CLCNKA: variants seen among roughly 807,000 people sequenced by gnomAD.
CLCNKA encodes chloride voltage-gated channel Ka, also known as chloride channel protein ClC-Ka.
CLCNKA carries 66 observed loss-of-function variants against 83.3 expected under a neutral mutation model. The ratio of observed to expected loss-of-function variants is 0.79; its 90% CI spans 0.65 to 0.97. The LOEUF is 0.97. Ranked by LOEUF, CLCNKA falls within the 50% of genes least tolerant of loss-of-function variation. The pLI, the probability that CLCNKA is intolerant of heterozygous loss-of-function variation, is 0.00. For synonymous variants in CLCNKA, 357 were observed against 370.4 expected, an observed-to-expected ratio of 0.96 and a Z score of 0.42; for missense variants, 806 against 888.7, an observed-to-expected ratio of 0.91 and a Z score of 1.18.
In CLCNKA at chr1:16,023,796, C is replaced by G; in HGVS notation, c.101-4C>G. 6.2e-7 allele frequency: 1 copy of G among 1,614,028 alleles called. No individual in the cohort carries two copies. Among genetic ancestry groups the G allele is most frequent in the Non-Finnish European group, 8.5e-7 (1 of 1,179,912 alleles). ...TAAGCTGGGACTCCGATACCCTGCC[C>G]CAGGTGGCCTGGAGTGGCTAAAGCA... On this transcript the variant is annotated splice_polypyrimidine_tract_variant and splice_region_variant and intron_variant, in intron 2 of 19. Transcript: ENST00000331433.
At chr1:16,028,580 C>T (rs529733610) in intron 10 of CLCNKA, 181 bp from the exon 11 acceptor site, 25 of 763,764 alleles carry the variant, frequency 3.3e-5, no homozygotes, top group East Asian at 1.6e-4. Context: ...GCTCACCCCA[C>T]GGGTTCTACC....
Position 16,023,809 on chromosome 1 carries a change from AG to A in CLCNKA, c.111del (p.Glu37AspfsTer3). The A allele has an allele frequency of 1.2e-6, 2 of 1,614,052 alleles. No homozygotes were observed. Among genetic ancestry groups the A allele is most frequent in the Non-Finnish European group, 1.7e-6 (2 of 1,179,944 alleles). ...CGATACCCTGCCCCAGGTGGCCTGG[AG>A]TGGCTAAAGCAGAAGGTGTTCCGCC... ...HIRRAIQGGL[E>X]WLKQKVFRLG... On this transcript the variant is annotated frameshift_variant, in exon 3 of 20. Transcript: ENST00000331433. LOFTEE classifies it high-confidence loss of function.
intron 7 of CLCNKA, 158 bp downstream of exon 7, chr1:16,026,933 C>G (rs914462946): frequency 4.3e-6 from 4 of 926,594 alleles, no homozygotes. Flanking sequence ...CCGGGGGCGG[C>G]GGGGCGGGGC....
At chr1:16,032,157 G>T in intron 16 of CLCNKA, 46 bp from the exon 17 acceptor site, 1 of 1,569,348 alleles carries the variant, frequency 6.4e-7, no homozygotes, top group Non-Finnish European at 8.8e-7. Flanking sequence ...CCTCAGGCCT[G>T]TTTCTTCATA....
intron 10 of CLCNKA, 68 bp from the exon 11 acceptor site, chr1:16,028,693 T>G: frequency 6.3e-7 from 1 of 1,585,368 alleles, no homozygotes; most frequent in Non-Finnish European, 8.7e-7. Flanking sequence ...CTGGACCAGG[T>G]CCTACTTCCC....
At chr1:16,027,099 C>T (rs2022391614) in intron 7 of CLCNKA, among the ~76,000 whole-genome samples, 1 of 152,212 alleles carries the variant, frequency 6.6e-6, no homozygotes. Flanking sequence ...AGGGAGAGGG[C>T]GCACACCTGC....
Position 16,030,649 on chromosome 1 carries a change from C to G in CLCNKA, c.1597C>G (p.Pro533Ala). ...TIIVKKLPYLPRILGRNIGSH... is the reference protein window; with the variant it reads ...TIIVKKLPYLARILGRNIGSH... ...CATTGTCAAGAAGCTGCCATACCTG[C>G]CACGGATTCTGGGCCGCAACATCGG... Residue 533 changes from proline (P) to alanine (A), a missense_variant, in exon 15 of 20, where the codon CCA becomes GCA. Physicochemically the swap from Pro to Ala is conservative, Grantham distance 27. Coordinates refer to ENST00000331433, the MANE Select transcript of CLCNKA (RefSeq NM_004070.4). 1 of 1,613,308 alleles carries G rather than the reference C, an allele frequency of 6.2e-7. No homozygotes were observed. Among genetic ancestry groups the G allele is most frequent in the South Asian group, 1.1e-5 (1 of 91,090 alleles).
chr1:16,027,451 T>C lies in CLCNKA; in HGVS notation c.781+16T>C. ...AGCGAGCAGGGTGAGCCCCCTGGGCTGCCTGACCCTGGCCCTGCCTGGGGG... is the reference window on the plus strand; with the variant it reads ...AGCGAGCAGGGTGAGCCCCCTGGGCCGCCTGACCCTGGCCCTGCCTGGGGG... On this transcript the variant is annotated intron_variant, in intron 8 of 19. Transcript: ENST00000331433. The C allele has an allele frequency of 6.2e-7, 1 of 1,613,324 alleles. No homozygotes were observed. Among genetic ancestry groups the C allele is most frequent in the Non-Finnish European group, 8.5e-7 (1 of 1,179,838 alleles).
intron 15 of CLCNKA, 90 bp downstream of exon 15, chr1:16,030,764 C>G: frequency 6.5e-7 from 1 of 1,526,832 alleles, no homozygotes; most frequent in South Asian, 1.1e-5. Context: ...AGAAACACCA[C>G]CGCAGCTGAC....
At position 16,026,722 on chromosome 1, in the gene CLCNKA, TGGTGGCAGCG is replaced by T. The variant is rs2022367219; in HGVS notation, c.604_613del (p.Val202ArgfsTer91). 6.2e-7 allele frequency: 1 copy of T among 1,613,650 alleles called. No individual in the cohort carries two copies. The highest frequency in any genetic ancestry group is 1.7e-5 in the Admixed American group (1 of 59,978). ...AACAAGAGCAAGCAAAACGAAATGC[TGGTGGCAGCG>T]GCGGCAGTGGGCGTGGCCACAGTCT... On this transcript the variant is annotated frameshift_variant, in exon 7 of 20. Coordinates refer to ENST00000331433, the MANE Select transcript of CLCNKA (RefSeq NM_004070.4). LOFTEE classifies it high-confidence loss of function.
rs763915528 is a variant in CLCNKA, at chr1:16,031,805, C to A, written c.1718C>A (p.Ser573Tyr). 2 of 1,613,960 alleles carry A rather than the reference C, an allele frequency of 1.2e-6. No homozygotes were observed. The highest frequency in any genetic ancestry group is 8.5e-7 in the Non-Finnish European group (1 of 1,180,038). The change falls in exon 16 of 20, where the codon TCC (serine) becomes TAC (tyrosine). Residue 573 changes from serine to tyrosine, a missense_variant. Ser to Tyr is a moderately radical substitution (Grantham distance 144). Coordinates refer to ENST00000331433, the MANE Select transcript of CLCNKA (RefSeq NM_004070.4). ...GAGGAGGTGGTCAAGGTTGTGACCT[C>A]CACAGACGTGACCGAGTATCCCCTG... Reference protein sequence around the residue: ...PLEEVVKVVTSTDVTEYPLVE... With the variant: ...PLEEVVKVVTYTDVTEYPLVE...
At position 16,033,087 on chromosome 1, in the gene CLCNKA, G is replaced by A. The variant is rs546066202; in HGVS notation, c.1930-83G>A. 2.5e-5 allele frequency: 35 copies of A among 1,423,184 alleles called. No individual in the cohort carries two copies. The African/African-American group carries it at 4.5e-4, about 18-fold the overall frequency. The allele number at this position is 1,423,184 out of a possible 1,614,324, so 88.2% of individuals were successfully genotyped here. A position where few individuals can be genotyped will look rare whatever the true frequency, so the allele number is the denominator to read the frequency against. On this transcript the variant is annotated intron_variant, in intron 18 of 19. Transcript: ENST00000331433. ...CATATCAGGCCCCGCCCCTCTTCCT[G>A]GCTCAGAGGCGTGGCAGAGTGGGCC...
chr1:16,026,262 G>A lies in CLCNKA; in HGVS notation c.498+15G>A, dbSNP rs1449801109. ...TGGGCAAAGTGGTATGGTCAGGTGT[G>A]AGGGCACCCCAGCCACCCCGCCCAC... is the stretch of plus-strand genomic sequence containing the variant. On this transcript the variant is annotated intron_variant, in intron 5 of 19. Coordinates refer to ENST00000331433, the MANE Select transcript of CLCNKA (RefSeq NM_004070.4). 6.2e-7 allele frequency: 1 copy of A among 1,613,378 alleles called. No homozygotes were observed. Among genetic ancestry groups the A allele is most frequent in the African/African-American group, 1.3e-5 (1 of 75,020 alleles).
At chr1:16,027,577 G>T in intron 8 of CLCNKA, 142 bp downstream of exon 8, 2 of 1,490,350 alleles carry the variant, frequency 1.3e-6, no homozygotes, top group Non-Finnish European at 9.1e-7. Context: ...ACCTCCTTCA[G>T]GGAGGATGGA....
At chr1:16,022,834 A>G in intron 2 of CLCNKA, 115 bp downstream of exon 2, 1 of 735,818 alleles carries the variant, frequency 1.4e-6, no homozygotes, top group Non-Finnish European at 2.1e-6. Flanking sequence ...TGTCCAGGAC[A>G]TGACTGCCCA....
chr1:16,026,918 A>T, intron 7 of CLCNKA, 143 bp downstream of exon 7: 1 of 1,112,918 alleles, frequency 9.0e-7, no homozygotes. Context: ...GGGTATAGCC[A>T]CCCCCCGGGG....
Position 16,023,895 on chromosome 1 carries a change from G to A in CLCNKA, c.196G>A (p.Ala66Thr), listed in dbSNP as rs1434783012. The stretch of plus-strand genomic sequence containing the variant: ...GGTGCTCATGGCCCTGGTCAGCTAT[G>A]CCATGAACTTTGCCATCGGGTGTGT... ...LGVLMALVSY[A>T]MNFAIGCVVR... The change falls in exon 3 of 20, where the codon GCC becomes ACC. Residue 66 changes from alanine (A) to threonine (T), a missense_variant. Transcript: ENST00000331433. 5 of 1,614,176 alleles carry A rather than the reference G, an allele frequency of 3.1e-6. No homozygotes were observed. Among genetic ancestry groups the A allele is most frequent in the Non-Finnish European group, 4.2e-6 (5 of 1,180,018 alleles).
intron 2 of CLCNKA, among the ~76,000 whole-genome samples, chr1:16,023,115 G>A (rs1349713611): frequency 2.6e-5 from 4 of 152,240 alleles, no homozygotes; most frequent in African/African-American, 9.6e-5. Context: ...TTCACTTTGA[G>A]ACCTGACTGT....
chr1:16,026,323 A>C, intron 5 of CLCNKA, 76 bp downstream of exon 5: 2 of 1,565,328 alleles, frequency 1.3e-6, no homozygotes, highest in Non-Finnish European at 1.7e-6. Flanking sequence ...TACCCCACCA[A>C]AGCTGGGTCA....
Sources: gnomAD v4.1 joint callset for allele counts (sites outside exome capture counted in the v4.1 genomes callset) on GRCh38, gnomAD v4.1.1 for gene constraint, MANE v1.5 for transcripts, NCBI Gene and HGNC (gene_info 2026-07-23, HGNC 2026-07-21) for gene names.